Variants in LRCH3 observed in about 807,000 individuals in gnomAD.
The protein encoded by LRCH3 is leucine rich repeats and calponin homology domain containing 3.
Under a neutral mutation model 104.5 loss-of-function variants are expected in LRCH3, and 68 were observed. The ratio of observed to expected loss-of-function variants is 0.65; its 90% CI spans 0.54 to 0.80. The LOEUF is 0.80. Among genes scored for constraint, LRCH3 ranks in the 30% least tolerant of loss-of-function variants. The pLI is 0.00. For synonymous variants in LRCH3, 344 were observed against 361.3 expected (o/e 0.95, Z 0.54); for missense variants, 951 against 953.9 (o/e 1.00, Z 0.04).
In LRCH3 at chr3:197,887,872, A is replaced by AT. The variant is rs1560073893; in HGVS notation, c.*4210dup. ...AGCAGAGCCCTTGCCACGTACAGAG[A>AT]TTTTCTGTCAGCAGTTTCCCAGTAT... On this transcript the variant is annotated 3_prime_UTR_variant, in exon 21 of 21. Transcript: ENST00000425562. 4 of 153,828 alleles carry AT rather than the reference A, an allele frequency of 2.6e-5. No individual in the cohort carries two copies. Among genetic ancestry groups the AT allele is most frequent in the Non-Finnish European group, 4.4e-5 (3 of 68,836 alleles). The allele number at this position is 153,828 out of a possible 1,614,324, so 9.5% of individuals were successfully genotyped here.
rs950904675 is a variant in LRCH3, at chr3:197,856,849, T to C, written c.1645-1985T>C. Among the ~76,000 whole-genome samples the C allele has an allele frequency of 6.6e-6, 1 of 152,276 alleles. No homozygotes were observed. The highest frequency in any genetic ancestry group is 2.4e-5 in the African/African-American group (1 of 41,476). On this transcript the variant is annotated intron_variant, in intron 14 of 20. Transcript: ENST00000425562. The surrounding 1 kb of genome is among the most constrained non-coding windows in gnomAD (Gnocchi z 4.2). ...AGTAAATATTTCCTGAATGAACATA[T>C]AAATTCTGTGCATCTACTGATTATT...
In LRCH3 at chr3:197,791,446, G is replaced by A; in HGVS notation, c.168G>A (p.Ala56=). 6.3e-7 allele frequency: 1 copy of A among 1,597,794 alleles called. No homozygotes were observed. Among genetic ancestry groups the A allele is most frequent in the Non-Finnish European group, 8.5e-7 (1 of 1,173,544 alleles). The change falls in exon 1 of 21, where the codon GCG becomes GCA. Residue 56 remains alanine, a synonymous_variant. Transcript: ENST00000425562. ...CTCTCGATCGAGCCCTGGAGGAGGC[G>A]GCGGTCACTGGGGTGCTGAGCCTGA... ...SRSLDRALEE[A]AVTGVLSLSG... is the part of the protein sequence containing the mutation.
intron 12 of LRCH3, among the ~76,000 whole-genome samples, chr3:197,849,524 A>G (rs192880175): frequency 6.6e-6 from 1 of 152,128 alleles, no homozygotes; most frequent in East Asian, 1.9e-4. Flanking sequence ...TATACATACT[A>G]TATCTCCTAA....
At chr3:197,798,996 A>G (rs935807958) in intron 1 of LRCH3, among the ~76,000 whole-genome samples, 2 of 152,198 alleles carry the variant, frequency 1.3e-5, no homozygotes, top group African/African-American at 4.8e-5. Flanking sequence ...AAGTTAGGTT[A>G]GACAGTACGT....
intron 8 of LRCH3, 94 bp from the exon 9 acceptor site, chr3:197,835,580 A>G: frequency 2.3e-6 from 3 of 1,332,720 alleles, no homozygotes; most frequent in Non-Finnish European, 2.9e-6. Context: ...ATCATGGGGA[A>G]AAGGAAATAA....
chr3:197,855,441 C>T (rs145806503), intron 14 of LRCH3, among the ~76,000 whole-genome samples: 7 of 152,318 alleles, frequency 4.6e-5, no homozygotes, highest in South Asian at 2.1e-4. Flanking sequence ...ATCTCATTTA[C>T]TCCTCGCAGC....
Position 197,856,461 on chromosome 3 carries a change from G to A in LRCH3, c.1644+2016G>A, listed in dbSNP as rs900728361. On this transcript the variant is annotated intron_variant, in intron 14 of 20. Coordinates refer to ENST00000425562, the MANE Select transcript of LRCH3 (RefSeq NM_001365715.1). The surrounding 1 kb of genome is among the most constrained non-coding windows in gnomAD (Gnocchi z 4.2). ...TGAGACAGAGTCTCCCTCTGTTGCC[G>A]AGGCTGGAGTGCAGTGGCATGAACA... 9.3e-5 allele frequency among the ~76,000 whole-genome samples: 14 copies of A among 151,118 alleles called. No homozygotes were observed. Among genetic ancestry groups the A allele is most frequent in the Non-Finnish European group, 8.8e-5 (6 of 67,806 alleles).
chr3:197,798,657 A>G (rs569435987), intron 1 of LRCH3, among the ~76,000 whole-genome samples: 50 of 152,350 alleles, frequency 3.3e-4, no homozygotes, highest in African/African-American at 1.2e-3. Context: ...GTAACTCACA[A>G]AATTATGGTT....
intron 9 of LRCH3, among the ~76,000 whole-genome samples, chr3:197,838,610 C>A (rs1329375257): frequency 1.3e-5 from 2 of 152,064 alleles, no homozygotes; most frequent in African/African-American, 4.8e-5. Context: ...CCTTTGATAA[C>A]CTTTAATCCT....
chr3:197,866,224 G>C lies in LRCH3; in HGVS notation c.1873+5G>C. On this transcript the variant is annotated splice_donor_5th_base_variant and intron_variant, in intron 17 of 20. Coordinates refer to ENST00000425562, the MANE Select transcript of LRCH3 (RefSeq NM_001365715.1). ...TCAGGGCAGAAACCAACAAAGGTAG[G>C]TGGTGGTGATTTTAAAAGCCAGGAG... is the stretch of plus-strand genomic sequence containing the variant. 1.2e-6 allele frequency: 2 copies of C among 1,609,260 alleles called. No individual in the cohort carries two copies. The highest frequency in any genetic ancestry group is 1.7e-6 in the Non-Finnish European group (2 of 1,175,550).
chr3:197,854,449 A>G lies in LRCH3; in HGVS notation c.1644+4A>G, dbSNP rs1255842574. 43 of 1,613,634 alleles carry G rather than the reference A, an allele frequency of 2.7e-5. No homozygotes were observed. Among genetic ancestry groups the G allele is most frequent in the Non-Finnish European group, 3.6e-5 (43 of 1,179,632 alleles). On this transcript the variant is annotated splice_donor_region_variant and intron_variant, in intron 14 of 20. Coordinates refer to ENST00000425562, the MANE Select transcript of LRCH3 (RefSeq NM_001365715.1). This position sits in a 1 kb window ranked among gnomAD's most constrained non-coding sequence, Gnocchi z 4.5. The stretch of plus-strand genomic sequence containing the variant: ...TGATGATAGTGCCTTGTGCATGGTA[A>G]GAGTTTTGCACAAAACGGAGTTTCG...
intron 15 of LRCH3, among the ~76,000 whole-genome samples, chr3:197,860,207 G>T (rs557440386): frequency 7.2e-5 from 11 of 152,202 alleles, no homozygotes; most frequent in African/African-American, 2.6e-4. Flanking sequence ...TCACTGTATT[G>T]CCCAGGCGGG....
chr3:197,798,421 C>T (rs1209472672), intron 1 of LRCH3, among the ~76,000 whole-genome samples: 1 of 152,128 alleles, frequency 6.6e-6, no homozygotes, highest in African/African-American at 2.4e-5. Context: ...AATGAGAAAG[C>T]AAAGACTCAC....
intron 8 of LRCH3, among the ~76,000 whole-genome samples, chr3:197,834,162 T>C (rs576424107): frequency 5.6e-4 from 86 of 152,338 alleles, no homozygotes; most frequent in African/African-American, 2.0e-3. Flanking sequence ...AATGCATCTC[T>C]GGAAAAACTA....
chr3:197,799,766 C>T (rs986672660), intron 1 of LRCH3, among the ~76,000 whole-genome samples: 5 of 152,056 alleles, frequency 3.3e-5, no homozygotes, highest in African/African-American at 7.2e-5. Context: ...TTCAGCTACT[C>T]GGGAGGCTGA....
At chr3:197,864,628 AAAC>A (rs1741260541) in intron 15 of LRCH3, among the ~76,000 whole-genome samples, 1 of 150,346 alleles carries the variant, frequency 6.7e-6, no homozygotes, top group Non-Finnish European at 1.5e-5. Context: ...AAAAAACAAA[AAAC>A]AAAAAAACAA....
At chr3:197,838,399 C>T (rs1182146060) in intron 9 of LRCH3, among the ~76,000 whole-genome samples, 1 of 152,166 alleles carries the variant, frequency 6.6e-6, no homozygotes, top group Non-Finnish European at 1.5e-5. Flanking sequence ...AAGTAACTCA[C>T]CAAAAGTTTC....
In LRCH3 at chr3:197,880,181, G is replaced by A. The variant is rs543083457; in HGVS notation, c.2209-3360G>A. 4.6e-5 allele frequency among the ~76,000 whole-genome samples: 7 copies of A among 151,994 alleles called. 1 individual carries two copies. In the South Asian group the frequency reaches 6.2e-4, roughly 14 times the overall value. On this transcript the variant is annotated intron_variant, in intron 20 of 20. Transcript: ENST00000425562. ...GGGATGGTCTCGATCTCCTGACCTC[G>A]TGATCCACCCGCCTCGGCCTCCCAA...
At chr3:197,794,946 A>G (rs201167414) in intron 1 of LRCH3, among the ~76,000 whole-genome samples, 113 of 152,186 alleles carry the variant, frequency 7.4e-4, no homozygotes, top group African/African-American at 2.4e-3. Context: ...CGGAGGTTGC[A>G]GTGAGCTGAG....
Sources: gnomAD v4.1 joint callset for allele counts (sites outside exome capture counted in the v4.1 genomes callset) on GRCh38, gnomAD v4.1.1 for gene constraint, Gnocchi (gnomAD v3.1) non-coding constraint, MANE v1.5 for transcripts, NCBI Gene and HGNC (gene_info 2026-07-23, HGNC 2026-07-21) for gene names.